TMPRSS6: variants seen among roughly 807,000 people sequenced by gnomAD.
TMPRSS6 encodes the protein transmembrane protease serine 6.
TMPRSS6 carries 67 observed loss-of-function variants against 101.5 expected under a neutral mutation model. The ratio of observed to expected loss-of-function variants is 0.66; its 90% CI spans 0.54 to 0.81. The LOEUF (loss-of-function observed/expected upper bound fraction) is 0.81, where lower values mean the gene tolerates loss of function less well. TMPRSS6 is among the 30% of genes least tolerant of loss of function. The pLI, the probability that TMPRSS6 is intolerant of heterozygous loss-of-function variation, is 0.00. For synonymous variants in TMPRSS6, 453 were observed against 464.9 expected, an observed-to-expected ratio of 0.97 and a Z score of 0.33; for missense variants, 1,034 against 1,088.7, an observed-to-expected ratio of 0.95 and a Z score of 0.71.
chr22:37,075,405 C>T, intron 10 of TMPRSS6, 125 bp from the exon 11 acceptor site: 4 of 1,301,530 alleles, frequency 3.1e-6, no homozygotes, highest in Middle Eastern at 2.6e-4. Context: ...CCTCCTCTGC[C>T]CTGATTTCTC....
intron 2 of TMPRSS6, among the ~76,000 whole-genome samples, chr22:37,099,334 G>A (rs1162996345): frequency 6.6e-6 from 1 of 152,238 alleles, no homozygotes; most frequent in Non-Finnish European, 1.5e-5. Flanking sequence ...AGATGGGGAG[G>A]GGCGGCAAGG....
intron 3 of TMPRSS6, among the ~76,000 whole-genome samples, chr22:37,097,721 CG>C (rs1388714582): frequency 3.0e-5 from 3 of 99,838 alleles, no homozygotes; most frequent in Non-Finnish European, 3.8e-5. Context: ...GGGGCAGGAG[CG>C]GGCCACCGTC....
intron 6 of TMPRSS6, among the ~76,000 whole-genome samples, chr22:37,090,478 C>T (rs750763375): frequency 5.3e-5 from 8 of 152,148 alleles, no homozygotes; most frequent in Non-Finnish European, 1.2e-4. Flanking sequence ...GGAGGCTGCC[C>T]TGGGGGGAGG....
At chr22:37,076,095 G>A (rs933708742) in intron 10 of TMPRSS6, among the ~76,000 whole-genome samples, 2 of 152,146 alleles carry the variant, frequency 1.3e-5, no homozygotes, top group African/African-American at 4.8e-5. Flanking sequence ...GAGAAAGAAA[G>A]AAAGGAAAAA....
At chr22:37,085,493 G>T (rs984771552) in intron 8 of TMPRSS6, among the ~76,000 whole-genome samples, 4 of 152,214 alleles carry the variant, frequency 2.6e-5, no homozygotes, top group African/African-American at 9.6e-5. Context: ...GTGGGAGGGA[G>T]AAGAGTGGGG....
Position 37,073,551 on chromosome 22 carries a change from G to A in TMPRSS6, c.1536C>T (p.Asp512=), listed in dbSNP as rs4820268. The A allele has an allele frequency of 0.54, 869,164 of 1,611,200 alleles. 237,459 individuals are homozygous for A. Among genetic ancestry groups the A allele is most frequent in the African/African-American group, 0.73 (54,928 of 74,906 alleles). Residue 512 remains aspartate, a synonymous_variant, in exon 13 of 18, where the codon GAC becomes GAT. Transcript: ENST00000676104. ...CCCTACCTTCCTGGCACTGCTCTTC[G>A]TCGCTGCCGTTGAGACAATCAGGCT... The part of the protein sequence containing the change: ...DGQPDCLNGS[D]EEQCQEGVPC...
At chr22:37,108,956 G>T (rs574453040) in intron 1 of TMPRSS6, among the ~76,000 whole-genome samples, 8 of 152,116 alleles carry the variant, frequency 5.3e-5, no homozygotes, top group African/African-American at 1.9e-4. Context: ...GGAGACACGC[G>T]GAGGGATATA....
At chr22:37,088,442 C>T (rs370115885) in intron 7 of TMPRSS6, among the ~76,000 whole-genome samples, 44 of 152,330 alleles carry the variant, frequency 2.9e-4, no homozygotes, top group African/African-American at 5.5e-4. Flanking sequence ...ATCAGCCTGA[C>T]GCCCAGCACA....
chr22:37,078,799 G>C (rs6000557), intron 10 of TMPRSS6, among the ~76,000 whole-genome samples: 1 of 145,742 alleles, frequency 6.9e-6, no homozygotes, highest in East Asian at 2.0e-4. Flanking sequence ...AGAAGGAGGA[G>C]GAGGAAGAGG....
chr22:37,070,445 T>G (rs1241818228), intron 15 of TMPRSS6, 39 bp downstream of exon 15: 1 of 1,612,406 alleles, frequency 6.2e-7, no homozygotes. Context: ...TCCCTGCCCT[T>G]GTCTCTTACT....
At chr22:37,099,112 G>A (rs1930074158) in intron 2 of TMPRSS6, among the ~76,000 whole-genome samples, 1 of 152,254 alleles carries the variant, frequency 6.6e-6, no homozygotes, top group East Asian at 1.9e-4. Context: ...GTGCCACATG[G>A]TGCTGTTGAG....
intron 1 of TMPRSS6, among the ~76,000 whole-genome samples, chr22:37,107,368 C>T (rs1460331368): frequency 2.0e-5 from 3 of 152,088 alleles, no homozygotes; most frequent in South Asian, 2.1e-4. Flanking sequence ...GTGAAGATGA[C>T]GGTGCCACTC....
intron 7 of TMPRSS6, among the ~76,000 whole-genome samples, chr22:37,086,641 C>A (rs1279861471): frequency 3.4e-4 from 51 of 152,142 alleles, no homozygotes; most frequent in Non-Finnish European, 4.4e-5. Flanking sequence ...GCTAGCTCCT[C>A]GGGTGAGAGA....
At chr22:37,074,784 C>T in intron 11 of TMPRSS6, 76 bp from the exon 12 acceptor site, 1 of 1,458,500 alleles carries the variant, frequency 6.9e-7, no homozygotes, top group East Asian at 2.3e-5. Flanking sequence ...CGCACAAAGA[C>T]ACGCATGCAC....
At chr22:37,068,795 T>A in intron 16 of TMPRSS6, 1 of 715,718 alleles carries the variant, frequency 1.4e-6, no homozygotes, top group Non-Finnish European at 2.5e-6. Flanking sequence ...AGGTGGAGCT[T>A]GCACGTGGGC....
chr22:37,104,010 G>T (rs960412544), intron 1 of TMPRSS6, among the ~76,000 whole-genome samples: 2 of 152,144 alleles, frequency 1.3e-5, no homozygotes, highest in Non-Finnish European at 2.9e-5. Context: ...CAGAGGAAGG[G>T]AACAAAAACT....
At chr22:37,083,978 G>T in intron 10 of TMPRSS6, 1 of 547,526 alleles carries the variant, frequency 1.8e-6, no homozygotes. Context: ...AGGATTGAGG[G>T]TGCCAGAGGG....
chr22:37,076,026 A>C (rs1927635579), intron 10 of TMPRSS6, among the ~76,000 whole-genome samples: 1 of 149,026 alleles, frequency 6.7e-6, no homozygotes, highest in Non-Finnish European at 1.5e-5. Flanking sequence ...AAGAAAGAGA[A>C]AGAGAAAGAA....
chr22:37,071,497 A>T (rs142715572), intron 13 of TMPRSS6, among the ~76,000 whole-genome samples: 4 of 152,192 alleles, frequency 2.6e-5, no homozygotes, highest in African/African-American at 9.6e-5. Context: ...TTTAGCTCTC[A>T]CCAAGGGCCA....
Sources: allele counts gnomAD v4.1 joint callset (sites outside exome capture counted in the v4.1 genomes callset), GRCh38; gene constraint gnomAD v4.1.1; transcripts MANE v1.5; gene names NCBI Gene and HGNC (gene_info 2026-07-23, HGNC 2026-07-21).